The following POTEG variants were observed in gnomAD, a reference collection of about 807,000 sequenced individuals.
POTEG encodes POTE ankyrin domain family member G.
Under a neutral mutation model 49.6 loss-of-function variants are expected in POTEG, and 2 were observed. The ratio of observed to expected loss-of-function variants is 0.04; its 90% confidence interval spans 0.02 to 0.13. POTEG has a LOEUF of 0.13. Ranked by LOEUF, POTEG falls within the 10% of genes least tolerant of loss-of-function variation. POTEG has a pLI of 1.00. For synonymous variants in POTEG, 7 were observed against 186.6 expected, an observed-to-expected ratio of 0.04 and a Z score of 7.84; for missense variants, 26 against 545.2, an observed-to-expected ratio of 0.05 and a Z score of 9.48.
intron 1 of POTEG, among the ~76,000 whole-genome samples, chr14:19,433,218 C>T (rs1421164407): frequency 9.1e-5 from 13 of 142,992 alleles, no homozygotes; most frequent in Admixed American, 3.7e-4. Flanking sequence ...TGAGCCACCA[C>T]GCCCAGCCAA....
At chr14:19,407,286 T>TA (rs1883330916) in intron 9 of POTEG, among the ~76,000 whole-genome samples, 1 of 118,018 alleles carries the variant, frequency 8.5e-6, no homozygotes, top group Non-Finnish European at 1.8e-5. Context: ...TGTGTGTATA[T>TA]ACACTCACAC....
At chr14:19,416,123 C>A (rs1883556543) in intron 7 of POTEG, among the ~76,000 whole-genome samples, 165 bp downstream of exon 7, 1 of 146,712 alleles carries the variant, frequency 6.8e-6, no homozygotes, top group Non-Finnish European at 1.5e-5. Context: ...AGATTACAGG[C>A]ATGAGCCACC....
intron 10 of POTEG, among the ~76,000 whole-genome samples, chr14:19,403,331 TCTGC>T (rs1883257654): frequency 2.1e-5 from 1 of 47,004 alleles, no homozygotes; most frequent in Admixed American, 2.3e-4. Context: ...CTTTTAGGAA[TCTGC>T]TCCTGAATTC....
intron 6 of POTEG, among the ~76,000 whole-genome samples, chr14:19,418,923 TA>T (rs371094526): frequency 3.7e-4 from 16 of 43,128 alleles, no homozygotes; most frequent in African/African-American, 9.0e-4. Flanking sequence ...TGGCTTTTAT[TA>T]AAAAAAAAAC....
chr14:19,433,334 T>C lies in POTEG; in HGVS notation c.521+435A>G, dbSNP rs534937163. Among the ~76,000 whole-genome samples the C allele has an allele frequency of 2.6e-5, 3 of 114,526 alleles. 1 individual carries two copies. The South Asian group carries it at 9.7e-4, about 37-fold the overall frequency. 75.1% of individuals were successfully genotyped at this position (114,526 alleles called of 152,430 possible). On this transcript the variant is annotated intron_variant, in intron 1 of 10. Coordinates refer to ENST00000547848, the MANE Select transcript of POTEG (RefSeq NM_001005356.3). ...TTCTAAGATTACTCAGTAAAGAACA[T>C]ATTTACATAGTGTACATTGATATAA...
rs58599371 is a variant in POTEG, at chr14:19,432,366, G to GTATATATA, written c.521+1395_521+1402dup. ...CCATCAAAAAAAAAAAAGAAATTTT[G>GTATATATA]TATATATATATATATATATATATAT... is the stretch of plus-strand genomic sequence containing the variant. On this transcript the variant is annotated intron_variant, in intron 1 of 10. Coordinates refer to ENST00000547848, the MANE Select transcript of POTEG (RefSeq NM_001005356.3). Among the ~76,000 whole-genome samples the GTATATATA allele has an allele frequency of 6.4e-3, 241 of 37,704 alleles. 3 individuals are homozygous for GTATATATA. The highest frequency in any genetic ancestry group is 0.02 in the African/African-American group (162 of 8,264). 24.7% of individuals were successfully genotyped at this position (37,704 alleles called of 152,430 possible).
chr14:19,415,833 T>A (rs1566376954), intron 7 of POTEG, among the ~76,000 whole-genome samples: 16 of 5,778 alleles, frequency 2.8e-3, no homozygotes, highest in African/African-American at 4.7e-3. Context: ...ATTAAAATTT[T>A]TTTTTTTTTT....
intron 1 of POTEG, among the ~76,000 whole-genome samples, chr14:19,432,378 A>G (rs1256030153): frequency 5.0e-5 from 4 of 79,660 alleles, no homozygotes; most frequent in South Asian, 8.4e-4. Context: ...ATATATATAT[A>G]TATATATATA....
chr14:19,413,611 ATTAT>A, intron 8 of POTEG, 91 bp from the exon 9 acceptor site: 2 of 1,248,158 alleles, frequency 1.6e-6, no homozygotes, highest in Non-Finnish European at 2.2e-6. Flanking sequence ...CCAGTTTATC[ATTAT>A]TTTAGTCATT....
At chr14:19,415,007 A>G (rs1883495248) in intron 7 of POTEG, among the ~76,000 whole-genome samples, 2 of 144,200 alleles carry the variant, frequency 1.4e-5, no homozygotes, top group African/African-American at 2.5e-5. Context: ...AGTTTACCTC[A>G]TGAAACCCTA....
chr14:19,432,494 G>T (rs1236975898), intron 1 of POTEG, among the ~76,000 whole-genome samples: 1 of 91,816 alleles, frequency 1.1e-5, no homozygotes, highest in East Asian at 3.3e-4. Flanking sequence ...ATATATATCT[G>T]CATATGTAAA....
intron 1 of POTEG, among the ~76,000 whole-genome samples, chr14:19,432,749 A>G (rs28453265): frequency 0.18 from 8,786 of 50,062 alleles, no homozygotes; most frequent in African/African-American, 0.28. Flanking sequence ...CTGTTAGTAA[A>G]CAATTTGTGG....
intron 7 of POTEG, among the ~76,000 whole-genome samples, 159 bp downstream of exon 7, chr14:19,416,129 C>A (rs1429954462): frequency 6.2e-4 from 90 of 146,080 alleles, no homozygotes; most frequent in African/African-American, 2.1e-3. Flanking sequence ...CAGGCATGAG[C>A]CACCCCCCCA....
At chr14:19,432,355 A>T (rs1419679445) in intron 1 of POTEG, among the ~76,000 whole-genome samples, 3,058 of 42,422 alleles carry the variant, frequency 0.072, 16 homozygotes, top group African/African-American at 0.083. Flanking sequence ...CAAAAAAAAA[A>T]AAGAAATTTT....
intron 7 of POTEG, among the ~76,000 whole-genome samples, chr14:19,415,830 T>TA (rs1566376936): frequency 9.6e-4 from 11 of 11,462 alleles, no homozygotes; most frequent in Non-Finnish European, 1.0e-3. Flanking sequence ...TCTATTAAAA[T>TA]TTTTTTTTTT....
At chr14:19,419,876 C>A (rs1156421701) in intron 6 of POTEG, among the ~76,000 whole-genome samples, 4 of 137,422 alleles carry the variant, frequency 2.9e-5, no homozygotes, top group Non-Finnish European at 6.1e-5. Flanking sequence ...TATTTGCAGT[C>A]CAAAGCATTC....
intron 7 of POTEG, among the ~76,000 whole-genome samples, chr14:19,414,937 C>T (rs1883492203): frequency 7.5e-6 from 1 of 134,056 alleles, no homozygotes; most frequent in South Asian, 2.5e-4. Context: ...TGTGTTAAAT[C>T]TACCAAAAAT....
intron 1 of POTEG, among the ~76,000 whole-genome samples, chr14:19,432,432 GTATA>G (rs60251207): frequency 1.6e-3 from 101 of 63,838 alleles, no homozygotes; most frequent in Admixed American, 2.3e-3. Flanking sequence ...ATGTATATAC[GTATA>G]TATATATATA....
intron 7 of POTEG, among the ~76,000 whole-genome samples, chr14:19,415,060 A>T (rs1356406072): frequency 1.4e-5 from 2 of 145,846 alleles, no homozygotes; most frequent in East Asian, 3.9e-4. Context: ...TTTTTAAAAG[A>T]TTCCTAACTG....
Sources: gnomAD v4.1 joint callset for allele counts (sites outside exome capture counted in the v4.1 genomes callset) on GRCh38, gnomAD v4.1.1 for gene constraint, MANE v1.5 for transcripts, NCBI Gene and HGNC (gene_info 2026-07-23, HGNC 2026-07-21) for gene names.